The following GPC5 variants were observed in gnomAD, a reference collection of about 807,000 sequenced individuals.
The protein encoded by GPC5 is glypican-5.
In GPC5, 47 loss-of-function variants were observed where a neutral mutation model predicts 53.9. That is an observed-to-expected ratio of 0.87 (90% CI 0.69 to 1.11). The LOEUF (loss-of-function observed/expected upper bound fraction) is 1.11. Among genes scored for constraint, GPC5 ranks in the 50% most tolerant of loss-of-function variants. The pLI, the probability that GPC5 is intolerant of heterozygous loss-of-function variation, is 0.00. For missense variants in GPC5, 748 were observed against 713.1 expected (o/e 1.05, Z -0.56); for synonymous variants, 286 against 263.3 (o/e 1.09, Z -0.84).
chr13:92,051,438 G>A (rs2041028412), intron 6 of GPC5, among the ~76,000 whole-genome samples: 1 of 151,410 alleles, frequency 6.6e-6, no homozygotes, highest in Non-Finnish European at 1.5e-5. Context: ...TTGACCTTGT[G>A]ATCCATCTGC....
At chr13:91,678,082 C>T (rs991818306) in intron 2 of GPC5, among the ~76,000 whole-genome samples, 7 of 152,164 alleles carry the variant, frequency 4.6e-5, no homozygotes, top group Admixed American at 1.3e-4. Context: ...AAAGAATTGC[C>T]TACCTTCTGA....
chr13:92,723,427 A>G (rs1594455686), intron 7 of GPC5, among the ~76,000 whole-genome samples: 1 of 120,642 alleles, frequency 8.3e-6, no homozygotes, highest in East Asian at 2.2e-4. Context: ...ATTTGTACTT[A>G]GAGTTCACCA....
intron 6 of GPC5, among the ~76,000 whole-genome samples, chr13:91,966,349 C>A (rs1436092786): frequency 1.3e-5 from 2 of 152,210 alleles, no homozygotes; most frequent in South Asian, 2.1e-4. Flanking sequence ...AAAAGAGATT[C>A]ATTGTCAGTT....
intron 7 of GPC5, among the ~76,000 whole-genome samples, chr13:92,697,956 T>C (rs779804280): frequency 6.6e-6 from 1 of 152,166 alleles, no homozygotes; most frequent in African/African-American, 2.4e-5. Context: ...GAGATAATCA[T>C]GTGGTTTTTG....
At chr13:91,505,202 A>T (rs936028304) in intron 2 of GPC5, among the ~76,000 whole-genome samples, 1 of 152,212 alleles carries the variant, frequency 6.6e-6, no homozygotes, top group African/African-American at 2.4e-5. Flanking sequence ...TAGGAAGATC[A>T]ATCTTAATAA....
chr13:92,708,901 G>T (rs1216768791), intron 7 of GPC5, among the ~76,000 whole-genome samples: 9 of 24,394 alleles, frequency 3.7e-4, no homozygotes, highest in South Asian at 9.9e-4. Context: ...TTTTTTTTTT[G>T]AGGCAGAGTC....
chr13:92,861,127 ATATT>A (rs1321733726), intron 7 of GPC5, among the ~76,000 whole-genome samples: 1 of 152,104 alleles, frequency 6.6e-6, no homozygotes, highest in Non-Finnish European at 1.5e-5. Flanking sequence ...GTATTAATAA[ATATT>A]TACTCCTTAA....
At chr13:91,597,085 A>G (rs2033021875) in intron 2 of GPC5, among the ~76,000 whole-genome samples, 1 of 152,194 alleles carries the variant, frequency 6.6e-6, no homozygotes, top group Admixed American at 6.5e-5. Flanking sequence ...TCAAAGCAGT[A>G]AACTTGGGTA....
At chr13:91,948,477 A>G (rs765425030) in intron 6 of GPC5, among the ~76,000 whole-genome samples, 16 of 151,972 alleles carry the variant, frequency 1.1e-4, no homozygotes, top group Non-Finnish European at 1.6e-4. Flanking sequence ...ATTCTCTCTT[A>G]TGGAACCTAC....
chr13:91,553,866 A>G (rs977511776), intron 2 of GPC5, among the ~76,000 whole-genome samples: 10 of 152,102 alleles, frequency 6.6e-5, no homozygotes, highest in African/African-American at 2.4e-4. Context: ...TAAGGAGTAT[A>G]TATTTAATAT....
rs1220202843 is a variant in GPC5, at chr13:92,185,941, T to C, written c.1561+40952T>C. Among the ~76,000 whole-genome samples the C allele has an allele frequency of 2.0e-5, 3 of 152,174 alleles. No individual in the cohort carries two copies. The East Asian group carries it at 5.8e-4, about 29-fold the overall frequency. ...TAAAAAATATACAGATACTGAATGC[T>C]AAGAGTGAGTCAATTAATGGGAAAT... On this transcript the variant is annotated intron_variant, in intron 7 of 7. Coordinates refer to ENST00000377067, the MANE Select transcript of GPC5 (RefSeq NM_004466.6).
At chr13:91,537,018 T>C (rs1219827523) in intron 2 of GPC5, among the ~76,000 whole-genome samples, 4 of 152,126 alleles carry the variant, frequency 2.6e-5, no homozygotes, top group African/African-American at 9.7e-5. Flanking sequence ...GAAAATACAA[T>C]GTACCAAAAC....
chr13:91,552,645 T>G (rs575745615), intron 2 of GPC5, among the ~76,000 whole-genome samples: 2 of 152,266 alleles, frequency 1.3e-5, no homozygotes, highest in East Asian at 3.9e-4. Flanking sequence ...CAGAAGCATG[T>G]CCTTAAGGCA....
intron 7 of GPC5, among the ~76,000 whole-genome samples, chr13:92,808,194 C>T (rs1399345882): frequency 1.3e-5 from 2 of 151,920 alleles, no homozygotes; most frequent in Non-Finnish European, 2.9e-5. Flanking sequence ...TTATAAACAT[C>T]CGAATTTTTT....
chr13:92,754,595 C>A lies in GPC5; in HGVS notation c.1562-111687C>A, dbSNP rs1323206409. ...GTATTCAGGAAACCCATCTCACGTG[C>A]AGAGACACACATAGGCTCAAAATAA... is the stretch of plus-strand genomic sequence containing the variant. On this transcript the variant is annotated intron_variant, in intron 7 of 7. Coordinates refer to ENST00000377067, the MANE Select transcript of GPC5 (RefSeq NM_004466.6). 2.0e-5 allele frequency among the ~76,000 whole-genome samples: 3 copies of A among 151,242 alleles called. No individual in the cohort carries two copies. The South Asian group carries it at 6.3e-4, about 32-fold the overall frequency.
At chr13:92,801,118 A>G (rs774217335) in intron 7 of GPC5, among the ~76,000 whole-genome samples, 5 of 151,342 alleles carry the variant, frequency 3.3e-5, no homozygotes, top group Non-Finnish European at 7.4e-5. Context: ...ATGTGTGTGT[A>G]TGTGTGTGTG....
intron 7 of GPC5, among the ~76,000 whole-genome samples, chr13:92,731,412 A>G (rs56357621): frequency 0.082 from 12,416 of 151,332 alleles, 1,019 homozygotes; most frequent in East Asian, 0.37. Flanking sequence ...ATGAGAGAAA[A>G]CTGGGGGAAA....
chr13:91,655,076 C>A (rs946455458), intron 2 of GPC5, among the ~76,000 whole-genome samples: 1 of 151,998 alleles, frequency 6.6e-6, no homozygotes, highest in Admixed American at 6.6e-5. Flanking sequence ...TGAATGGTCT[C>A]CATGTATCAG....
At chr13:92,113,290 G>C (rs537606122) in intron 6 of GPC5, among the ~76,000 whole-genome samples, 83 of 152,214 alleles carry the variant, frequency 5.5e-4, no homozygotes, top group African/African-American at 1.9e-3. Context: ...TACCATCAAG[G>C]TTTGCTCAAA....
Sources: gnomAD v4.1 joint callset for allele counts (sites outside exome capture counted in the v4.1 genomes callset) on GRCh38, gnomAD v4.1.1 for gene constraint, MANE v1.5 for transcripts, NCBI Gene and HGNC (gene_info 2026-07-23, HGNC 2026-07-21) for gene names.